Variants in ZNF202 observed in about 807,000 individuals in gnomAD.
ZNF202 encodes zinc finger protein with KRAB and SCAN domains 10.
ZNF202 carries 22 observed loss-of-function variants against 54.5 expected under a neutral mutation model. The ratio of observed to expected loss-of-function variants is 0.40; its 90% CI spans 0.29 to 0.58. ZNF202 has a LOEUF of 0.58. ZNF202 is among the 20% of genes least tolerant of loss of function. ZNF202 has a pLI of 0.39. For missense variants in ZNF202, 644 were observed against 805.5 expected, an observed-to-expected ratio of 0.80 and a Z score of 2.43; for synonymous variants, 294 against 301.4, an observed-to-expected ratio of 0.98 and a Z score of 0.26.
At chr11:123,736,767 T>A (rs916969697) in intron 3 of ZNF202, among the ~76,000 whole-genome samples, 1 of 152,212 alleles carries the variant, frequency 6.6e-6, no homozygotes, top group South Asian at 2.1e-4. Flanking sequence ...CTCAGTCTTA[T>A]CCTCAAAAAT....
At chr11:123,741,300 G>A (rs867593321) in intron 1 of ZNF202, among the ~76,000 whole-genome samples, 2 of 152,106 alleles carry the variant, frequency 1.3e-5, no homozygotes, top group African/African-American at 4.8e-5. Context: ...GGAAAGGAAA[G>A]GAAGCCGGGA....
rs1212217971 is a variant in ZNF202, at chr11:123,724,031, T to C, written c.*1966A>G. 1 of 152,222 alleles carries C rather than the reference T, an allele frequency of 6.6e-6. No individual in the cohort carries two copies. The highest frequency in any genetic ancestry group is 1.5e-5 in the Non-Finnish European group (1 of 68,030). The allele number at this position is 152,222 out of a possible 1,614,324, so 9.4% of individuals were successfully genotyped here. ...TTACCAACCTTTATAAATGGTTAAG[T>C]CTGAGCTAGGAGAAACTATCTTTTG... is the stretch of plus-strand genomic sequence containing the variant. On this transcript the variant is annotated 3_prime_UTR_variant, in exon 9 of 9. Transcript: ENST00000530393.
At chr11:123,728,349 C>A in intron 6 of ZNF202, 87 bp from the exon 7 acceptor site, 1 of 1,447,922 alleles carries the variant, frequency 6.9e-7, no homozygotes, top group Admixed American at 2.3e-5. Flanking sequence ...AATAGGTGGA[C>A]TCCTCTAGGA....
At position 123,735,620 on chromosome 11, in the gene ZNF202, C is replaced by T. The variant is rs371511698; in HGVS notation, c.-98+4497G>A. 1.3e-5 allele frequency among the ~76,000 whole-genome samples: 2 copies of T among 152,068 alleles called. 1 individual carries two copies. Among genetic ancestry groups the T allele is most frequent in the Non-Finnish European group, 2.9e-5 (2 of 67,992 alleles). On this transcript the variant is annotated intron_variant, in intron 3 of 8. Coordinates refer to ENST00000530393, the MANE Select transcript of ZNF202 (RefSeq NM_003455.4). ...AAGACATATGCCCCGGCCCCAGATC[C>T]CCAAGAAACTGGAGCTTCCCTGAGG...
chr11:123,727,338 T>C (rs1219727923), intron 8 of ZNF202, 138 bp downstream of exon 8: 11 of 1,187,106 alleles, frequency 9.3e-6, no homozygotes, highest in Non-Finnish European at 1.2e-5. Flanking sequence ...ACAGAAGAAA[T>C]GGCTGTCAGA....
At chr11:123,728,063 T>G in intron 7 of ZNF202, 70 bp downstream of exon 7, 1 of 1,551,854 alleles carries the variant, frequency 6.4e-7, no homozygotes, top group South Asian at 1.1e-5. Flanking sequence ...AGGTCTAAGA[T>G]CCCCCAAAAT....
intron 3 of ZNF202, among the ~76,000 whole-genome samples, chr11:123,737,895 G>A (rs1324018712): frequency 6.6e-6 from 1 of 152,186 alleles, no homozygotes; most frequent in Non-Finnish European, 1.5e-5. Flanking sequence ...TGATGGTGAT[G>A]AGGAGGGGTT....
At chr11:123,727,718 T>G in intron 7 of ZNF202, 123 bp from the exon 8 acceptor site, 1 of 1,321,012 alleles carries the variant, frequency 7.6e-7, no homozygotes. Context: ...GATGAAATCT[T>G]TCATCTCTTT....
intron 1 of ZNF202, among the ~76,000 whole-genome samples, chr11:123,741,101 C>T (rs1228085604): frequency 2.6e-5 from 4 of 151,672 alleles, no homozygotes; most frequent in Non-Finnish European, 5.9e-5. Context: ...CTAGCCGGGG[C>T]AAGGAGCCCG....
chr11:123,726,591 C>G lies in ZNF202; in HGVS notation c.1353G>C (p.Ala451=), dbSNP rs201114461. 5 of 1,614,162 alleles carry G rather than the reference C, an allele frequency of 3.1e-6. No individual in the cohort carries two copies. Among genetic ancestry groups the G allele is most frequent in the Non-Finnish European group, 4.2e-6 (5 of 1,180,040 alleles). The change falls in exon 9 of 9, where the codon GCG becomes GCC. Residue 451 remains alanine, a synonymous_variant. Coordinates refer to ENST00000530393, the MANE Select transcript of ZNF202 (RefSeq NM_003455.4). This position sits in a 1 kb window ranked among gnomAD's most constrained non-coding sequence, Gnocchi z 6.0. ...ARHQKVHKMN[A]PYKYPLNRKN... ...TCCGGTTTAGGGGATATTTGTAAGG[C>G]GCGTTCATCTTGTGAACCTTTTGGT...
rs748409336 is a variant in ZNF202, at chr11:123,726,751, T to C, written c.1193A>G (p.Asp398Gly). The change falls in exon 9 of 9, where the codon GAC (aspartate) becomes GGC (glycine). Residue 398 changes from aspartate to glycine, a missense_variant. Physicochemically the swap from Asp to Gly is moderately conservative, Grantham distance 94. Coordinates refer to ENST00000530393, the MANE Select transcript of ZNF202 (RefSeq NM_003455.4). This position sits in a 1 kb window ranked among gnomAD's most constrained non-coding sequence, Gnocchi z 6.0. The part of the protein sequence containing the change: ...PVHPLLGRHH[D>G]CSVCGKSFTC... ...GAAGCTCTTTCCACACACAGAACAG[T>C]CATGATGCCTCCCTAACAGGGGGTG... The C allele has an allele frequency of 6.2e-7, 1 of 1,614,190 alleles. No individual in the cohort carries two copies. The highest frequency in any genetic ancestry group is 8.5e-7 in the Non-Finnish European group (1 of 1,180,026).
intron 3 of ZNF202, among the ~76,000 whole-genome samples, chr11:123,733,008 TGGCACGTAACA>T (rs1861476706): frequency 6.6e-6 from 1 of 152,200 alleles, no homozygotes; most frequent in Non-Finnish European, 1.5e-5. Flanking sequence ...TAAACGGCAC[TGGCACGTAACA>T]GGCACGGATA....
At chr11:123,727,218 T>A (rs1591374227) in intron 8 of ZNF202, among the ~76,000 whole-genome samples, 1 of 152,354 alleles carries the variant, frequency 6.6e-6, no homozygotes, top group South Asian at 2.1e-4. Context: ...TTAAGGGAAT[T>A]GTACAGTAAA....
chr11:123,739,801 CCCA>C (rs1195419900), intron 3 of ZNF202, among the ~76,000 whole-genome samples: 1 of 152,166 alleles, frequency 6.6e-6, no homozygotes, highest in Non-Finnish European at 1.5e-5. Context: ...AAGTGAAGAA[CCCA>C]GATCTGCAGC....
chr11:123,729,209 G>A lies in ZNF202; in HGVS notation c.619C>T (p.Pro207Ser), dbSNP rs753264246. 2 of 1,613,072 alleles carry A rather than the reference G, an allele frequency of 1.2e-6. No homozygotes were observed. Among genetic ancestry groups the A allele is most frequent in the South Asian group, 2.2e-5 (2 of 90,934 alleles). The change falls in exon 6 of 9, where the codon CCA becomes TCA. Residue 207 changes from proline (P) to serine (S), a missense_variant. Pro to Ser is a moderately conservative substitution (Grantham distance 74). Around this residue, in one of 3 missense-constraint regions of ZNF202, gnomAD observed 536 missense variants for 635.3 expected, o/e 0.84. Transcript: ENST00000530393. ...GGAAGGTCTGGGTCCTCGGGCACTG[G>A]GACCTCTATGAAGAAAAGAAGGCAA... ...ELQTLQESEV[P>S]VPEDPDLPAE...
At position 123,723,927 on chromosome 11, in the gene ZNF202, G is replaced by C. The variant is rs1474825513; in HGVS notation, c.*2070C>G. Among the ~76,000 whole-genome samples, 2 of 152,146 alleles carry C rather than the reference G, an allele frequency of 1.3e-5. 1 individual carries two copies. Among genetic ancestry groups the C allele is most frequent in the South Asian group, 4.1e-4 (2 of 4,830 alleles). ...AGCCTCACAAGCTTTCCCTCATGTA[G>C]AACTCTGACAGATTTTCATTTATTG... On this transcript the variant is annotated 3_prime_UTR_variant, in exon 9 of 9. Transcript: ENST00000530393.
Position 123,730,977 on chromosome 11 carries a change from C to G in ZNF202, c.-89G>C. 1 of 1,474,822 alleles carries G rather than the reference C, an allele frequency of 6.8e-7. No homozygotes were observed. Among genetic ancestry groups the G allele is most frequent in the East Asian group, 2.3e-5 (1 of 43,912 alleles). 91.4% of individuals were successfully genotyped at this position (1,474,822 alleles called of 1,614,324 possible). ...GCCTGGACACAGCGAGGATTTTCTT[C>G]CAAGGGCCCTGGATAGAGAAGTAAA... On this transcript the variant is annotated 5_prime_UTR_variant, in exon 4 of 9. Coordinates refer to ENST00000530393, the MANE Select transcript of ZNF202 (RefSeq NM_003455.4). This position sits in a 1 kb window ranked among gnomAD's most constrained non-coding sequence, Gnocchi z 6.0.
chr11:123,740,342 C>T (rs2137384468), intron 2 of ZNF202, 75 bp downstream of exon 2: 1 of 152,424 alleles, frequency 6.6e-6, no homozygotes, highest in South Asian at 2.1e-4. Context: ...ATAGTAACAG[C>T]AGAAAGTTAT....
At chr11:123,732,866 T>G (rs1008372346) in intron 3 of ZNF202, among the ~76,000 whole-genome samples, 2 of 152,154 alleles carry the variant, frequency 1.3e-5, no homozygotes. Flanking sequence ...TCCTGTTAAT[T>G]CCAACTTCCA....
Sources: gnomAD v4.1 joint callset for allele counts (sites outside exome capture counted in the v4.1 genomes callset) on GRCh38, gnomAD v4.1.1 for gene constraint, gnomAD v4.1.1 regional missense constraint, Gnocchi (gnomAD v3.1) non-coding constraint, MANE v1.5 for transcripts, NCBI Gene and HGNC (gene_info 2026-07-23, HGNC 2026-07-21) for gene names.